Variants in ABCA10 observed in about 807,000 individuals in gnomAD.
ABCA10 encodes ATP binding cassette subfamily A member 10, also known as ATP-binding cassette sub-family A member 10.
ABCA10 carries 169 observed loss-of-function variants against 187.5 expected under a neutral mutation model. That is an observed-to-expected ratio of 0.90 (90% CI 0.80 to 1.02). The LOEUF is 1.02. ABCA10 is among the 50% of genes least tolerant of loss of function. ABCA10 has a pLI of 0.00. For missense variants in ABCA10, 1,727 were observed against 1,812.4 expected, an observed-to-expected ratio of 0.95 and a Z score of 0.86; for synonymous variants, 574 against 601.8, an observed-to-expected ratio of 0.95 and a Z score of 0.68.
At chr17:69,178,232 T>A (rs1472336320) in intron 22 of ABCA10, among the ~76,000 whole-genome samples, 1 of 151,834 alleles carries the variant, frequency 6.6e-6, no homozygotes, top group East Asian at 1.9e-4. Context: ...AAGGGCATAA[T>A]TTTAAAATAG....
chr17:69,153,424 G>C (rs371378007), intron 33 of ABCA10, 25 bp from the exon 34 acceptor site: 2 of 1,613,458 alleles, frequency 1.2e-6, no homozygotes, highest in African/African-American at 1.3e-5. Context: ...ACAGCCCGTC[G>C]GCACCCAGCC....
intron 1 of ABCA10, among the ~76,000 whole-genome samples, chr17:69,242,053 T>A (rs1213495642): frequency 6.6e-6 from 1 of 152,206 alleles, no homozygotes; most frequent in Admixed American, 6.5e-5. Flanking sequence ...TTAGCAGATA[T>A]GATAACACTA....
At chr17:69,241,672 C>A (rs929366660) in intron 1 of ABCA10, among the ~76,000 whole-genome samples, 23 of 152,280 alleles carry the variant, frequency 1.5e-4, no homozygotes, top group South Asian at 4.1e-4. Flanking sequence ...TACATGAGAT[C>A]AGTGTGCTTT....
intron 26 of ABCA10, 72 bp downstream of exon 26, chr17:69,164,892 C>G (rs762160646): frequency 1.2e-4 from 186 of 1,493,650 alleles, no homozygotes; most frequent in Non-Finnish European, 1.6e-4. Context: ...GCACCTGTTC[C>G]GACAATGGGT....
chr17:69,222,512 A>G (rs781694374), intron 4 of ABCA10, 21 bp downstream of exon 4: 1 of 1,503,870 alleles, frequency 6.6e-7, no homozygotes, highest in South Asian at 1.4e-5. Context: ...AAAAAATTAT[A>G]ATCAGTTTTT....
intron 1 of ABCA10, among the ~76,000 whole-genome samples, chr17:69,237,417 C>T (rs896826517): frequency 2.0e-5 from 3 of 152,188 alleles, no homozygotes; most frequent in Non-Finnish European, 4.4e-5. Context: ...CTGAAGCCAA[C>T]AGTTGGCTGA....
chr17:69,177,265 TTCTTACATGCATACC>T (rs2074341117), intron 22 of ABCA10, among the ~76,000 whole-genome samples: 1 of 152,228 alleles, frequency 6.6e-6, no homozygotes, highest in African/African-American at 2.4e-5. Context: ...CAAAATTGTC[TTCTTACATGCATACC>T]TCTTTTTTAT....
In ABCA10 at chr17:69,179,505, G is replaced by A. The variant is rs542864160; in HGVS notation, c.2769+2648C>T. 3.9e-5 allele frequency among the ~76,000 whole-genome samples: 6 copies of A among 152,276 alleles called. 1 individual carries two copies. The highest frequency in any genetic ancestry group is 3.9e-4 in the East Asian group (2 of 5,156). ...AAATGTGTGTCATACTGCATCTGAA[G>A]CAAAAGCCTCAAGAGTAACTTCTTT... On this transcript the variant is annotated intron_variant, in intron 22 of 38. Coordinates refer to ENST00000690296, the MANE Select transcript of ABCA10 (RefSeq NM_001377321.1).
intron 11 of ABCA10, among the ~76,000 whole-genome samples, chr17:69,195,214 C>T (rs747558147): frequency 2.0e-5 from 3 of 151,996 alleles, no homozygotes; most frequent in Non-Finnish European, 4.4e-5. Context: ...ATTGTCAGAG[C>T]GTCAAAAATC....
At chr17:69,239,605 CAG>C (rs1215187073) in intron 1 of ABCA10, among the ~76,000 whole-genome samples, 2 of 152,152 alleles carry the variant, frequency 1.3e-5, no homozygotes, top group African/African-American at 4.8e-5. Context: ...AGGCTTTCGA[CAG>C]AGTTGTTCTG....
chr17:69,171,954 G>GAT (rs1324526465), intron 25 of ABCA10, among the ~76,000 whole-genome samples: 1 of 99,934 alleles, frequency 1.0e-5, no homozygotes, highest in Non-Finnish European at 2.1e-5. Context: ...AAAAAAAAAA[G>GAT]ATTGATCTCA....
intron 6 of ABCA10, 99 bp from the exon 7 acceptor site, chr17:69,216,457 C>G: frequency 7.5e-7 from 1 of 1,335,750 alleles, no homozygotes. Context: ...GAAATCAGGA[C>G]TAAATTTATT....
intron 9 of ABCA10, 93 bp downstream of exon 9, chr17:69,214,611 A>T (rs2074688973): frequency 7.8e-6 from 9 of 1,150,270 alleles, no homozygotes; most frequent in South Asian, 2.3e-5. Flanking sequence ...TACTATCAGA[A>T]ATGCTTCTTA....
At chr17:69,193,072 C>A in intron 15 of ABCA10, 38 bp downstream of exon 15, 1 of 1,555,422 alleles carries the variant, frequency 6.4e-7, no homozygotes, top group South Asian at 1.2e-5. Flanking sequence ...ATGTTAAATC[C>A]TTAAATAACT....
chr17:69,219,973 T>C (rs2074734561), intron 5 of ABCA10, among the ~76,000 whole-genome samples: 1 of 152,246 alleles, frequency 6.6e-6, no homozygotes, highest in Non-Finnish European at 1.5e-5. Context: ...ACTGAAGGTC[T>C]GTCATGCATA....
chr17:69,152,411 C>T lies in ABCA10; in HGVS notation c.4207G>A (p.Ala1403Thr), dbSNP rs767625300. ...TLLTTHYMSE[A>T]EAVCDRMAMM... ...GCCATACGGTCACACACAGCCTCAGCCTCTGACATGTAATGGGTGGTCAAG... is the reference window on the plus strand; with the variant it reads ...GCCATACGGTCACACACAGCCTCAGTCTCTGACATGTAATGGGTGGTCAAG... Residue 1403 changes from alanine (A) to threonine (T), a missense_variant, in exon 35 of 39, where the codon GCT becomes ACT. Ala to Thr is a moderately conservative substitution (Grantham distance 58). Coordinates refer to ENST00000690296, the MANE Select transcript of ABCA10 (RefSeq NM_001377321.1). 6.2e-6 allele frequency: 10 copies of T among 1,613,940 alleles called. No homozygotes were observed. Among genetic ancestry groups the T allele is most frequent in the Admixed American group, 5.0e-5 (3 of 60,002 alleles).
Position 69,148,850 on chromosome 17 carries a change from G to A in ABCA10, c.4609C>T (p.Leu1537Phe), listed in dbSNP as rs756795824. The part of the protein sequence containing the change: ...DKIDTTVEWK[L>F]LPQEDP ...TTTTAAGGGTCTTCCTGTGGGAGAA[G>A]TTTCCATTCAACTGTTGTATCAATT... The change falls in exon 39 of 39, where the codon CTT (leucine) becomes TTT (phenylalanine). Residue 1537 changes from leucine (L) to phenylalanine (F), a missense_variant. By Grantham distance (22) the Leu-to-Phe change is conservative. Transcript: ENST00000690296. 3.7e-6 allele frequency: 6 copies of A among 1,612,744 alleles called. No homozygotes were observed. In the African/African-American group the frequency reaches 8.0e-5, roughly 22 times the overall value.
rs2074386006 is a variant in ABCA10 at position 69,182,307 on chromosome 17, C to T, written c.2632-17G>A. 1.4e-6 allele frequency: 2 copies of T among 1,453,076 alleles called. No individual in the cohort carries two copies. Among genetic ancestry groups the T allele is most frequent in the Non-Finnish European group, 1.8e-6 (2 of 1,086,490 alleles). The allele number at this position is 1,453,076 out of a possible 1,614,324, so 90.0% of individuals were successfully genotyped here. A position where few individuals can be genotyped will look rare whatever the true frequency, so the allele number is the denominator to read the frequency against. ...TCTGTAATCCTTGAAAAAAAGTACA[C>T]AAATATAAGTTATAAATTCTTATAG... On this transcript the variant is annotated splice_polypyrimidine_tract_variant and intron_variant, in intron 21 of 38. Coordinates refer to ENST00000690296, the MANE Select transcript of ABCA10 (RefSeq NM_001377321.1).
chr17:69,207,431 T>G (rs1243206580), intron 9 of ABCA10, among the ~76,000 whole-genome samples: 2 of 152,196 alleles, frequency 1.3e-5, no homozygotes, highest in Non-Finnish European at 2.9e-5. Flanking sequence ...AAGAGATATC[T>G]GCACTCCCAT....
Sources: allele counts gnomAD v4.1 joint callset (sites outside exome capture counted in the v4.1 genomes callset), GRCh38; gene constraint gnomAD v4.1.1; transcripts MANE v1.5; gene names NCBI Gene and HGNC (gene_info 2026-07-23, HGNC 2026-07-21).